TCF20: variants seen among roughly 807,000 people sequenced by gnomAD.
TCF20 encodes the protein transcription factor 20.
A neutral mutation model predicts 148.6 loss-of-function variants in TCF20; 3 were observed. The ratio of observed to expected loss-of-function variants is 0.02; its 90% confidence interval spans 0.01 to 0.05. TCF20 has a LOEUF of 0.05. TCF20 is among the 10% of genes least tolerant of loss of function. The pLI, the probability that TCF20 is intolerant of heterozygous loss-of-function variation, is 1.00. For missense variants in TCF20, 2,350 were observed against 2,429.3 expected, an observed-to-expected ratio of 0.97 and a Z score of 0.69; for synonymous variants, 1,049 against 909.5, an observed-to-expected ratio of 1.15 and a Z score of -2.76.
At chr22:42,245,577 C>A (rs1241602109) in intron 1 of TCF20, among the ~76,000 whole-genome samples, 1 of 152,032 alleles carries the variant, frequency 6.6e-6, no homozygotes, top group Admixed American at 6.6e-5. Flanking sequence ...ATTGTGATAC[C>A]TTCTGCAATG....
At chr22:42,233,489 C>T (rs568432852) in intron 1 of TCF20, among the ~76,000 whole-genome samples, 1 of 152,204 alleles carries the variant, frequency 6.6e-6, no homozygotes, top group Non-Finnish European at 1.5e-5. Flanking sequence ...GTGAATAATA[C>T]CAGCTTTGCT....
At chr22:42,285,383 C>G (rs554486504), upstream of TCF20, among the ~76,000 whole-genome samples, 1 of 152,194 alleles carries the variant, frequency 6.6e-6, no homozygotes, top group East Asian at 1.9e-4. The surrounding 1 kb of genome is among the most constrained non-coding windows in gnomAD (Gnocchi z 4.2). Flanking sequence ...CCTCCTGGCC[C>G]TTCCCTAATC....
intron 1 of TCF20, among the ~76,000 whole-genome samples, chr22:42,223,169 G>A (rs143037389): frequency 1.1e-3 from 167 of 152,152 alleles, no homozygotes; most frequent in African/African-American, 3.9e-3. Context: ...ATAAATAATT[G>A]CCATTTATTT....
chr22:42,267,096 CG>C (rs372374014), intron 1 of TCF20, among the ~76,000 whole-genome samples: 6 of 151,830 alleles, frequency 4.0e-5, no homozygotes, highest in Non-Finnish European at 7.4e-5. Context: ...GGAGAAATCC[CG>C]TCTCTACTGA....
chr22:42,203,077 A>G (rs1473220955), intron 2 of TCF20, among the ~76,000 whole-genome samples: 1 of 152,202 alleles, frequency 6.6e-6, no homozygotes, highest in Non-Finnish European at 1.5e-5. Context: ...TAATTAACAT[A>G]TAATAACTTG....
intron 2 of TCF20, among the ~76,000 whole-genome samples, chr22:42,188,262 C>T (rs1937142534): frequency 9.0e-6 from 1 of 111,290 alleles, no homozygotes; most frequent in Non-Finnish European, 1.7e-5. Context: ...CATTGTACTC[C>T]AGCCTGGGCA....
intron 1 of TCF20, among the ~76,000 whole-genome samples, chr22:42,307,624 C>T (rs184013654): frequency 1.3e-5 from 2 of 152,346 alleles, no homozygotes; most frequent in African/African-American, 4.8e-5. Context: ...AGGTGAGGAG[C>T]TAAGTGAAGC....
At chr22:42,184,992 A>G (rs1936976980) in intron 2 of TCF20, among the ~76,000 whole-genome samples, 1 of 152,230 alleles carries the variant, frequency 6.6e-6, no homozygotes, top group African/African-American at 2.4e-5. Context: ...GACTGAGTCA[A>G]CTAGCGTTGT....
At chr22:42,203,976 G>A (rs183792072) in intron 2 of TCF20, among the ~76,000 whole-genome samples, 256 of 152,346 alleles carry the variant, frequency 1.7e-3, no homozygotes, top group African/African-American at 5.6e-3. Context: ...TAGAGAGCAT[G>A]TAGACTGGTG....
intron 1 of TCF20, among the ~76,000 whole-genome samples, chr22:42,258,557 G>A (rs1013955051): frequency 6.6e-6 from 1 of 152,092 alleles, no homozygotes; most frequent in Non-Finnish European, 1.5e-5. Context: ...ATACACTTAG[G>A]ATTTTCACTT....
intron 2 of TCF20, among the ~76,000 whole-genome samples, chr22:42,181,987 A>G (rs1436380846): frequency 6.6e-6 from 1 of 152,176 alleles, no homozygotes; most frequent in Non-Finnish European, 1.5e-5. Flanking sequence ...GATCTGTGGC[A>G]GCCACAGTAT....
At chr22:42,255,912 C>T (rs953272412) in intron 1 of TCF20, among the ~76,000 whole-genome samples, 2 of 152,182 alleles carry the variant, frequency 1.3e-5, no homozygotes, top group Admixed American at 6.5e-5. Context: ...ATTAGGCCCA[C>T]GCTCCCTTCT....
chr22:42,196,690 T>C (rs1033651819), intron 2 of TCF20, among the ~76,000 whole-genome samples: 1 of 152,196 alleles, frequency 6.6e-6, no homozygotes, highest in Admixed American at 6.5e-5. Flanking sequence ...CCAGCCACAA[T>C]GAATAGGCCT....
At chr22:42,275,467 T>A (rs1327604927), upstream of TCF20, among the ~76,000 whole-genome samples, 1 of 152,220 alleles carries the variant, frequency 6.6e-6, no homozygotes, top group Non-Finnish European at 1.5e-5. Flanking sequence ...CTGTCCCCAG[T>A]GGCTGGACTC....
upstream of TCF20, among the ~76,000 whole-genome samples, chr22:42,272,074 G>A (rs930968100): frequency 6.6e-6 from 1 of 152,212 alleles, no homozygotes; most frequent in South Asian, 2.1e-4. Flanking sequence ...AGTGGGGGCT[G>A]GCTCCAAAGC....
chr22:42,205,638 AG>A (rs1938333880), intron 2 of TCF20, among the ~76,000 whole-genome samples: 1 of 152,262 alleles, frequency 6.6e-6, no homozygotes, highest in East Asian at 1.9e-4. Context: ...ATTAAATAAA[AG>A]GCAAGTTAGT....
chr22:42,322,310 A>G (rs1403152701), intron 1 of TCF20, among the ~76,000 whole-genome samples: 2 of 151,812 alleles, frequency 1.3e-5, no homozygotes, highest in Non-Finnish European at 2.9e-5. Flanking sequence ...GACCCTGGGG[A>G]GTGAGCCCAG....
chr22:42,204,265 A>C (rs939939290), intron 2 of TCF20, among the ~76,000 whole-genome samples: 39 of 151,952 alleles, frequency 2.6e-4, no homozygotes, highest in African/African-American at 9.4e-4. Context: ...GAGGCCGAGG[A>C]GGGTGGATTC....
rs574277157 is a variant in TCF20, at chr22:42,228,777, T to C, written c.-36-13436A>G. 2.6e-5 allele frequency among the ~76,000 whole-genome samples: 4 copies of C among 152,244 alleles called. No homozygotes were observed. The South Asian group carries it at 8.3e-4, about 32-fold the overall frequency. On this transcript the variant is annotated intron_variant, in intron 1 of 5. Coordinates refer to ENST00000677622, the MANE Select transcript of TCF20 (RefSeq NM_001378418.1). ...AAGGTCATTAGCACAGAGGTAGTAT[T>C]TAAAGCCAACAGAGTAGATGAGATC...
Sources: allele counts gnomAD v4.1 joint callset (sites outside exome capture counted in the v4.1 genomes callset), GRCh38; gene constraint gnomAD v4.1.1; non-coding constraint Gnocchi (gnomAD v3.1); transcripts MANE v1.5; gene names NCBI Gene and HGNC (gene_info 2026-07-23, HGNC 2026-07-21).